NAP1L4: variants seen among roughly 807,000 people sequenced by gnomAD.
NAP1L4 encodes nucleosome assembly protein 1 like 4, also known as nucleosome assembly protein 1-like 4.
In NAP1L4, 15 loss-of-function variants were observed where a neutral mutation model predicts 58.2. The ratio of observed to expected loss-of-function variants is 0.26; its 90% CI spans 0.17 to 0.40. NAP1L4 has a LOEUF of 0.40. NAP1L4 is among the 10% of genes least tolerant of loss of function. The probability of loss-of-function intolerance (pLI) is 1.00; values close to 1 mark genes in which losing one functional copy is unlikely to be tolerated. For synonymous variants in NAP1L4, 171 were observed against 155.6 expected (o/e 1.10, Z -0.74); for missense variants, 384 against 451.1 (o/e 0.85, Z 1.35).
chr11:2,951,221 C>T lies in NAP1L4; in HGVS notation c.1122+38G>A. ...CATTTTTAAAAGTCTAAGAGTGCAGCATAATAAGTAGGTCTGGGTGGCCCC... is the reference window on the plus strand; with the variant it reads ...CATTTTTAAAAGTCTAAGAGTGCAGTATAATAAGTAGGTCTGGGTGGCCCC... On this transcript the variant is annotated intron_variant, in intron 14 of 15. Coordinates refer to ENST00000380542, the MANE Select transcript of NAP1L4 (RefSeq NM_005969.4). This position sits in a 1 kb window ranked among gnomAD's most constrained non-coding sequence, Gnocchi z 4.0. 1 of 1,547,134 alleles carries T rather than the reference C, an allele frequency of 6.5e-7. No individual in the cohort carries two copies. The highest frequency in any genetic ancestry group is 8.9e-7 in the Non-Finnish European group (1 of 1,120,488).
intron 7 of NAP1L4, among the ~76,000 whole-genome samples, chr11:2,967,091 C>T (rs778320189): frequency 5.3e-5 from 8 of 152,246 alleles, no homozygotes; most frequent in East Asian, 3.9e-4. Context: ...AGAGTTAATC[C>T]GCCTTTGGAA....
rs769771068 is a variant in NAP1L4 at position 2,948,637 on chromosome 11, T to A, written c.*32+590A>T. 6.6e-6 allele frequency among the ~76,000 whole-genome samples: 1 copy of A among 152,210 alleles called. No individual in the cohort carries two copies. The highest frequency in any genetic ancestry group is 1.5e-5 in the Non-Finnish European group (1 of 68,020). ...ACAACTGGTTCTTGCTTCATTCAACTAGCACCAACCTCACAACAGTACTTT... is the reference window on the plus strand; with the variant it reads ...ACAACTGGTTCTTGCTTCATTCAACAAGCACCAACCTCACAACAGTACTTT... On this transcript the variant is annotated intron_variant, in intron 15 of 15. Transcript: ENST00000380542. This position sits in a 1 kb window ranked among gnomAD's most constrained non-coding sequence, Gnocchi z 5.1.
intron 10 of NAP1L4, among the ~76,000 whole-genome samples, chr11:2,956,773 G>A (rs958194207): frequency 2.6e-5 from 4 of 152,216 alleles, no homozygotes; most frequent in African/African-American, 9.6e-5. Flanking sequence ...CATACTTCTG[G>A]ACTGGCTTTG....
chr11:2,969,215 G>C (rs146334084), intron 7 of NAP1L4, among the ~76,000 whole-genome samples: 1 of 151,902 alleles, frequency 6.6e-6, no homozygotes, highest in Non-Finnish European at 1.5e-5. Flanking sequence ...GGTCTCAAAC[G>C]ATCTGCCTAC....
At chr11:2,964,871 C>A in intron 7 of NAP1L4, 120 bp from the exon 8 acceptor site, 1 of 721,650 alleles carries the variant, frequency 1.4e-6, no homozygotes. Context: ...GGAATTCTGT[C>A]CTTGTCAAAG....
chr11:2,964,287 A>G (rs897993762), intron 8 of NAP1L4, among the ~76,000 whole-genome samples: 7 of 152,206 alleles, frequency 4.6e-5, no homozygotes, highest in African/African-American at 1.7e-4. Flanking sequence ...CACCCAACAG[A>G]GTAAACAAAC....
chr11:2,975,437 A>G (rs903676448), intron 4 of NAP1L4, among the ~76,000 whole-genome samples: 1 of 152,126 alleles, frequency 6.6e-6, no homozygotes, highest in African/African-American at 2.4e-5. Context: ...CTCTCTTAAG[A>G]AAGCAAAGGT....
At chr11:2,950,715 G>C (rs1294873315) in intron 14 of NAP1L4, among the ~76,000 whole-genome samples, 3 of 152,082 alleles carry the variant, frequency 2.0e-5, no homozygotes, top group Non-Finnish European at 2.9e-5. Flanking sequence ...AAAATTAATG[G>C]GGTTGCCCAC....
intron 2 of NAP1L4, 121 bp from the exon 3 acceptor site, chr11:2,978,463 G>T: frequency 2.3e-6 from 2 of 884,466 alleles, no homozygotes; most frequent in African/African-American, 1.7e-5. Flanking sequence ...TCAGATTTGG[G>T]CAGAAGAAAA....
In NAP1L4 at chr11:2,954,860, A is replaced by G; in HGVS notation, c.916-214T>C. 1 of 608,872 alleles carries G rather than the reference A, an allele frequency of 1.6e-6. No homozygotes were observed. Among genetic ancestry groups the G allele is most frequent in the Non-Finnish European group, 2.9e-6 (1 of 346,860 alleles). 37.7% of individuals were successfully genotyped at this position (608,872 alleles called of 1,614,324 possible). ...GCTACTGAAGCAAAATGGCAGAGAA[A>G]GTGGGAAGTGAGGGCCCTACAGCTC... On this transcript the variant is annotated intron_variant, in intron 11 of 15. Coordinates refer to ENST00000380542, the MANE Select transcript of NAP1L4 (RefSeq NM_005969.4). The surrounding 1 kb of genome is among the most constrained non-coding windows in gnomAD (Gnocchi z 4.8).
chr11:2,960,516 G>T (rs1013386632), intron 8 of NAP1L4, among the ~76,000 whole-genome samples: 2 of 152,166 alleles, frequency 1.3e-5, no homozygotes, highest in Non-Finnish European at 2.9e-5. Flanking sequence ...CGCAGGCATA[G>T]AACAACCAAC....
chr11:2,976,787 A>G (rs1313400395), intron 3 of NAP1L4, among the ~76,000 whole-genome samples: 1 of 152,172 alleles, frequency 6.6e-6, no homozygotes, highest in Non-Finnish European at 1.5e-5. Context: ...CAATAAACCA[A>G]TGAATGAGAT....
intron 7 of NAP1L4, among the ~76,000 whole-genome samples, chr11:2,967,362 C>T (rs34706375): frequency 1.1e-4 from 16 of 152,164 alleles, no homozygotes; most frequent in Non-Finnish European, 1.8e-4. Context: ...CCTGTAATCC[C>T]AGCACTTTGG....
intron 7 of NAP1L4, among the ~76,000 whole-genome samples, chr11:2,968,076 C>G (rs1590243038): frequency 6.6e-6 from 1 of 152,146 alleles, no homozygotes; most frequent in East Asian, 1.9e-4. Flanking sequence ...AAGAATCACC[C>G]CAGGGCCCAT....
chr11:2,982,463 AT>A (rs1230309886), intron 1 of NAP1L4, among the ~76,000 whole-genome samples: 1 of 152,200 alleles, frequency 6.6e-6, no homozygotes, highest in Non-Finnish European at 1.5e-5. Flanking sequence ...GTAAAGACAC[AT>A]ACTTCATTTC....
chr11:2,964,906 G>A (rs574982268), intron 7 of NAP1L4, among the ~76,000 whole-genome samples, 155 bp from the exon 8 acceptor site: 7 of 152,326 alleles, frequency 4.6e-5, no homozygotes, highest in East Asian at 3.9e-4. Flanking sequence ...AAGAAACCCA[G>A]ACTTATTCAC....
In NAP1L4 at chr11:2,971,397, T is replaced by A; in HGVS notation, c.402+51A>T. The A allele has an allele frequency of 6.7e-7, 1 of 1,497,434 alleles. No individual in the cohort carries two copies. The allele number at this position is 1,497,434 out of a possible 1,614,324, so 92.8% of individuals were successfully genotyped here. ...ATTAAAAATCATTAAAAAATGCTTA[T>A]TTTTAACAGTATTAAAACAGAACAT... On this transcript the variant is annotated intron_variant, in intron 6 of 15. Coordinates refer to ENST00000380542, the MANE Select transcript of NAP1L4 (RefSeq NM_005969.4). This position sits in a 1 kb window ranked among gnomAD's most constrained non-coding sequence, Gnocchi z 4.2.
chr11:2,952,145 A>C, intron 12 of NAP1L4: 1 of 367,560 alleles, frequency 2.7e-6, no homozygotes, highest in Non-Finnish European at 4.9e-6. Flanking sequence ...GATTTTTGTA[A>C]ACCGATGAAT....
Position 2,971,707 on chromosome 11 carries a change from T to C in NAP1L4, c.316-173A>G, listed in dbSNP as rs574203353. Reference sequence around the variant, plus strand: ...GAAAAATATTAAATGATTCCCTGGGTAAACCTGGATGTTTCACCTAAAGAT... The same window carrying C: ...GAAAAATATTAAATGATTCCCTGGGCAAACCTGGATGTTTCACCTAAAGAT... On this transcript the variant is annotated intron_variant, in intron 5 of 15. Coordinates refer to ENST00000380542, the MANE Select transcript of NAP1L4 (RefSeq NM_005969.4). This position sits in a 1 kb window ranked among gnomAD's most constrained non-coding sequence, Gnocchi z 4.2. Among the ~76,000 whole-genome samples, 1 of 152,340 alleles carries C rather than the reference T, an allele frequency of 6.6e-6. No individual in the cohort carries two copies. The highest frequency in any genetic ancestry group is 2.1e-4 in the South Asian group (1 of 4,830).
Sources: allele counts gnomAD v4.1 joint callset (sites outside exome capture counted in the v4.1 genomes callset), GRCh38; gene constraint gnomAD v4.1.1; non-coding constraint Gnocchi (gnomAD v3.1); transcripts MANE v1.5; gene names NCBI Gene and HGNC (gene_info 2026-07-23, HGNC 2026-07-21).